Variants in MROH1 observed in about 807,000 individuals in gnomAD.
MROH1 encodes maestro heat-like repeat-containing protein family member 1.
A neutral mutation model predicts 116.5 loss-of-function variants in MROH1; 117 were observed. The observed-to-expected ratio is 1.00, with a 90% CI of 0.86 to 1.17. The LOEUF (loss-of-function observed/expected upper bound fraction) is 1.17, where lower values mean the gene tolerates loss of function less well. Ranked by LOEUF, MROH1 falls within the 50% of genes most tolerant of loss-of-function variation. The pLI is 0.00. For missense variants in MROH1, 1,873 were observed against 1,338.5 expected (o/e 1.40, Z -6.23); for synonymous variants, 921 against 583.9 (o/e 1.58, Z -8.32).
chr8:144,232,640 C>T (rs1839142253), intron 14 of MROH1, among the ~76,000 whole-genome samples: 1 of 151,672 alleles, frequency 6.6e-6, no homozygotes, highest in Admixed American at 6.6e-5. Flanking sequence ...ACTACATGCG[C>T]ACACCGCCAC....
rs1476316954 is a variant in MROH1, at chr8:144,223,058, A to G, written c.1216-50A>G. The G allele has an allele frequency of 3.1e-6, 5 of 1,609,244 alleles. No homozygotes were observed. The African/African-American group carries it at 4.0e-5, about 13-fold the overall frequency. On this transcript the variant is annotated intron_variant, in intron 13 of 43. Coordinates refer to ENST00000326134, the MANE Select transcript of MROH1 (RefSeq NM_032450.3). The stretch of plus-strand genomic sequence containing the variant: ...GTTCCTCTCTGCTGGCTGGACTGGC[A>G]TGGCAGTCTCTGCGTCCCCTTCCTG...
chr8:144,193,897 C>T (rs181599677), intron 10 of MROH1, among the ~76,000 whole-genome samples: 17 of 152,102 alleles, frequency 1.1e-4, no homozygotes, highest in African/African-American at 3.9e-4. Context: ...GCATGAGCCA[C>T]GGAGCCCAGC....
chr8:144,222,727 G>C (rs867782533), intron 13 of MROH1, among the ~76,000 whole-genome samples: 22 of 152,064 alleles, frequency 1.4e-4, no homozygotes, highest in African/African-American at 5.3e-4. Flanking sequence ...TATGGATGCA[G>C]GCACAGGTGC....
Position 144,180,536 on chromosome 8 carries a change from C to G in MROH1, c.562+13C>G. 1 of 1,605,754 alleles carries G rather than the reference C, an allele frequency of 6.2e-7. No homozygotes were observed. Among genetic ancestry groups the G allele is most frequent in the Non-Finnish European group, 8.5e-7 (1 of 1,178,636 alleles). ...GCCTTCTGCTCCGGTAAGAGGCGGCCTCGTCACCTTCTGTCTCAAGTGCCC... is the reference window on the plus strand; with the variant it reads ...GCCTTCTGCTCCGGTAAGAGGCGGCGTCGTCACCTTCTGTCTCAAGTGCCC... On this transcript the variant is annotated intron_variant, in intron 7 of 43. Coordinates refer to ENST00000326134, the MANE Select transcript of MROH1 (RefSeq NM_032450.3). This position sits in a 1 kb window ranked among gnomAD's most constrained non-coding sequence, Gnocchi z 7.4.
chr8:144,164,383 C>T (rs1357651091), intron 3 of MROH1, among the ~76,000 whole-genome samples: 3 of 139,760 alleles, frequency 2.1e-5, no homozygotes, highest in Admixed American at 7.6e-5. Flanking sequence ...CCAGTCTGGG[C>T]GATGGAGTGA....
At chr8:144,218,339 A>C (rs983616884) in intron 12 of MROH1, among the ~76,000 whole-genome samples, 3 of 152,052 alleles carry the variant, frequency 2.0e-5, no homozygotes, top group Non-Finnish European at 2.9e-5. Flanking sequence ...GCCTCCAAGC[A>C]TTCTACCTGT....
chr8:144,221,730 G>A (rs551647079), intron 13 of MROH1, among the ~76,000 whole-genome samples: 12 of 152,258 alleles, frequency 7.9e-5, no homozygotes, highest in African/African-American at 2.9e-4. Flanking sequence ...GCAATGCCAG[G>A]TGGCTAAACG....
intron 12 of MROH1, among the ~76,000 whole-genome samples, chr8:144,207,119 T>TTGACCTTCAGA (rs1832996150): frequency 6.6e-6 from 1 of 151,472 alleles, no homozygotes; most frequent in African/African-American, 2.4e-5. Context: ...CATATGCTTA[T>TTGACCTTCAGA]TGACCTTCAG....
At chr8:144,168,516 A>G in intron 4 of MROH1, 76 bp downstream of exon 4, 2 of 1,517,964 alleles carry the variant, frequency 1.3e-6, no homozygotes, top group Non-Finnish European at 1.8e-6. Context: ...GGGAAGAGAC[A>G]GTCCAGCCAG....
intron 12 of MROH1, among the ~76,000 whole-genome samples, chr8:144,206,479 G>A (rs1437213931): frequency 1.3e-5 from 2 of 150,544 alleles, no homozygotes; most frequent in African/African-American, 2.4e-5. Flanking sequence ...CTGGAAGGTA[G>A]TGGCACGATC....
At position 144,255,690 on chromosome 8, in the gene MROH1, A is replaced by C. The variant is rs1302128481; in HGVS notation, c.3776A>C (p.Asn1259Thr). 2 of 760,388 alleles carry C rather than the reference A, an allele frequency of 2.6e-6. No individual in the cohort carries two copies. Among genetic ancestry groups the C allele is most frequent in the East Asian group, 5.0e-5 (2 of 40,246 alleles). The allele number at this position is 760,388 out of a possible 1,614,324, so 47.1% of individuals were successfully genotyped here. A position where few individuals can be genotyped will look rare whatever the true frequency, so the allele number is the denominator to read the frequency against. ...RGASPALATR[N>T]LEPCSSAVDT... Reference sequence around the variant, plus strand: ...GCCAGTCCAGCCCTAGCCACCAGGAACCTGGAACCCTGCAGGTATCTGGGT... The same window carrying C: ...GCCAGTCCAGCCCTAGCCACCAGGACCCTGGAACCCTGCAGGTATCTGGGT... Residue 1259 changes from asparagine to threonine, a missense_variant, in exon 35 of 44, where the codon AAC becomes ACC. Physicochemically the swap from Asn to Thr is moderately conservative, Grantham distance 65. Coordinates refer to ENST00000326134, the MANE Select transcript of MROH1 (RefSeq NM_032450.3).
intron 1 of MROH1, among the ~76,000 whole-genome samples, chr8:144,157,714 G>C (rs1295474204): frequency 1.5e-5 from 1 of 68,502 alleles, no homozygotes; most frequent in Admixed American, 2.2e-4. Flanking sequence ...GGGTTGCTTT[G>C]TCACCCAGGC....
chr8:144,254,819 C>T lies in MROH1; in HGVS notation c.3435C>T (p.Thr1145=). ...LGSPLPLDSH[T]CMLWRALAVE... Reference sequence around the variant, plus strand: ...CTCTCCTGCTCTGCTCCAGCCACACCTGCATGCTGTGGCGGGCGCTGGCGG... The same window carrying T: ...CTCTCCTGCTCTGCTCCAGCCACACTTGCATGCTGTGGCGGGCGCTGGCGG... Residue 1145 remains threonine (T), a synonymous_variant, in exon 34 of 44, where the codon ACC becomes ACT. Transcript: ENST00000326134. The T allele has an allele frequency of 3.9e-6, 3 of 777,116 alleles. No individual in the cohort carries two copies. Among genetic ancestry groups the T allele is most frequent in the Non-Finnish European group, 2.4e-6 (1 of 417,580 alleles). The allele number at this position is 777,116 out of a possible 1,614,324, so 48.1% of individuals were successfully genotyped here. A position where few individuals can be genotyped will look rare whatever the true frequency, so the allele number is the denominator to read the frequency against.
At chr8:144,236,262 C>G (rs1368975531) in intron 14 of MROH1, among the ~76,000 whole-genome samples, 2 of 152,042 alleles carry the variant, frequency 1.3e-5, no homozygotes, top group Non-Finnish European at 2.9e-5. Context: ...TCGTGCATGT[C>G]CCCACCAGTG....
In MROH1 at chr8:144,215,242, A is replaced by G. The variant is rs528904520; in HGVS notation, c.1142-5358A>G. Among the ~76,000 whole-genome samples the G allele has an allele frequency of 3.3e-5, 5 of 152,368 alleles. No homozygotes were observed. The South Asian group carries it at 1.0e-3, about 32-fold the overall frequency. On this transcript the variant is annotated intron_variant, in intron 12 of 43. Transcript: ENST00000326134. ...ATACAAATACAGGTTGATTGTCTGTAATCTAAAAATTAGAAATCACAAATG... is the reference window on the plus strand; with the variant it reads ...ATACAAATACAGGTTGATTGTCTGTGATCTAAAAATTAGAAATCACAAATG...
At chr8:144,221,651 C>T (rs1010278116) in intron 13 of MROH1, among the ~76,000 whole-genome samples, 2 of 152,064 alleles carry the variant, frequency 1.3e-5, no homozygotes, top group Non-Finnish European at 2.9e-5. Context: ...CCACACACTC[C>T]CCAGCGTTCA....
In MROH1 at chr8:144,168,287, C is replaced by T. The variant is rs1451503074; in HGVS notation, c.23-8C>T. ...CCTGAGCATGCTAACCAGGCTTTGT[C>T]GCTGCAGAGCTGGCCTCCACCCTGC... On this transcript the variant is annotated splice_polypyrimidine_tract_variant and splice_region_variant and intron_variant, in intron 3 of 43. Transcript: ENST00000326134. The T allele has an allele frequency of 9.4e-6, 15 of 1,589,298 alleles. No homozygotes were observed. The highest frequency in any genetic ancestry group is 1.3e-5 in the African/African-American group (1 of 74,576).
intron 4 of MROH1, among the ~76,000 whole-genome samples, chr8:144,177,766 A>C (rs1489088240): frequency 1.3e-5 from 1 of 78,844 alleles, no homozygotes. Context: ...TGGTTGTTTG[A>C]AAGCATGTGG....
Position 144,223,221 on chromosome 8 carries a change from C to CGAGCAG in MROH1, c.1333_1338dup (p.Gln445_Glu446dup), listed in dbSNP as rs1837164454. ...TCGTGCAGCAGTGCGCGCTGCCCCC[C>CGAGCAG]GAGCAGGAGGTAAGGGGCTGCCACC... On this transcript the variant is annotated inframe_insertion, in exon 14 of 44. Coordinates refer to ENST00000326134, the MANE Select transcript of MROH1 (RefSeq NM_032450.3). The CGAGCAG allele has an allele frequency of 6.2e-7, 1 of 1,603,626 alleles. No individual in the cohort carries two copies. Among genetic ancestry groups the CGAGCAG allele is most frequent in the African/African-American group, 1.3e-5 (1 of 74,722 alleles).
Sources: gnomAD v4.1 joint callset for allele counts (sites outside exome capture counted in the v4.1 genomes callset) on GRCh38, gnomAD v4.1.1 for gene constraint, Gnocchi (gnomAD v3.1) non-coding constraint, MANE v1.5 for transcripts, NCBI Gene and HGNC (gene_info 2026-07-23, HGNC 2026-07-21) for gene names.